MRPL20: variants seen among roughly 807,000 people sequenced by gnomAD.
MRPL20 encodes the protein mitochondrial ribosomal protein L20.
Under a neutral mutation model 20.0 loss-of-function variants are expected in MRPL20, and 21 were observed. That is an observed-to-expected ratio of 1.05 (90% CI 0.74 to 1.51). The LOEUF (loss-of-function observed/expected upper bound fraction) is 1.51, where lower values mean the gene tolerates loss of function less well. MRPL20 is among the 40% of genes most tolerant of loss of function. The pLI, the probability that MRPL20 is intolerant of heterozygous loss-of-function variation, is 0.00. For synonymous variants in MRPL20, 104 were observed against 73.0 expected (o/e 1.43, Z -2.17); for missense variants, 252 against 185.6 (o/e 1.36, Z -2.08).
rs747856421 is a variant in MRPL20 at position 1,402,270 on chromosome 1, G to C, written c.277-14C>G. On this transcript the variant is annotated splice_polypyrimidine_tract_variant and intron_variant, in intron 3 of 3. Transcript: ENST00000344843. Reference sequence around the variant, plus strand: ...CTCCACCTGGCACTGAAAAAAGAATGAATCAGAACCTGCTGTCAGTGTGAG... The same window carrying C: ...CTCCACCTGGCACTGAAAAAAGAATCAATCAGAACCTGCTGTCAGTGTGAG... 9 of 1,601,544 alleles carry C rather than the reference G, an allele frequency of 5.6e-6. No individual in the cohort carries two copies. The highest frequency in any genetic ancestry group is 2.2e-5 in the South Asian group (2 of 89,816).
intron 3 of MRPL20, 46 bp from the exon 4 acceptor site, chr1:1,402,302 A>G: frequency 6.4e-7 from 1 of 1,558,460 alleles, no homozygotes; most frequent in South Asian, 1.2e-5. Flanking sequence ...TGAGACACAC[A>G]CTCCGGCTCC....
intron 3 of MRPL20, among the ~76,000 whole-genome samples, chr1:1,403,222 T>C (rs1207010494): frequency 6.6e-6 from 1 of 150,942 alleles, no homozygotes; most frequent in Non-Finnish European, 1.5e-5. Flanking sequence ...ACCTGTATGC[T>C]TTGTGCAAAG....
At position 1,402,239 on chromosome 1, in the gene MRPL20, G is replaced by C; in HGVS notation, c.294C>G (p.Asn98Lys). The change falls in exon 4 of 4, where the codon AAC becomes AAG. Residue 98 changes from asparagine to lysine, a missense_variant. Asn to Lys is a moderately conservative substitution (Grantham distance 94, BLOSUM62 0). Transcript: ENST00000344843. Reference protein sequence around the residue: ...GNLVKCQVELNRKVLADLAIY... With the variant: ...GNLVKCQVELKRKVLADLAIY... ...TGGCCAGATCCGCTAGGACTTTCCT[G>C]TTGAGCTCCACCTGGCACTGAAAAA... is the stretch of plus-strand genomic sequence containing the variant. The C allele has an allele frequency of 3.1e-6, 5 of 1,612,242 alleles. No homozygotes were observed. The highest frequency in any genetic ancestry group is 3.4e-6 in the Non-Finnish European group (4 of 1,179,184).
intron 2 of MRPL20, chr1:1,406,539 ATAG>A (rs1645385897): frequency 1.1e-5 from 3 of 283,172 alleles, no homozygotes; most frequent in Admixed American, 4.7e-5. Flanking sequence ...ACGGCAGCAG[ATAG>A]TAGCCCTGGA....
At chr1:1,405,670 C>T in intron 3 of MRPL20, 139 bp downstream of exon 3, 1 of 1,459,802 alleles carries the variant, frequency 6.9e-7, no homozygotes. Flanking sequence ...TAGCAAACTA[C>T]AGCCCAGAAG....
chr1:1,402,903 C>T (rs987068405), intron 3 of MRPL20, among the ~76,000 whole-genome samples: 26 of 152,032 alleles, frequency 1.7e-4, no homozygotes, highest in Middle Eastern at 3.4e-3. Flanking sequence ...CTGAGGCAGG[C>T]GGATCACCAG....
intron 3 of MRPL20, chr1:1,405,517 C>T (rs1200756173): frequency 6.5e-6 from 4 of 615,728 alleles, no homozygotes; most frequent in Non-Finnish European, 1.2e-5. Context: ...TAGGCACAAT[C>T]TCATCACTCA....
At chr1:1,402,379 G>A (rs899686672) in intron 3 of MRPL20, 123 bp from the exon 4 acceptor site, 1 of 1,425,282 alleles carries the variant, frequency 7.0e-7, no homozygotes, top group Non-Finnish European at 9.1e-7. Flanking sequence ...GGAAGGCCTA[G>A]GAGAATCCTA....
At chr1:1,405,400 C>T (rs1241979169) in intron 3 of MRPL20, 2 of 559,770 alleles carry the variant, frequency 3.6e-6, no homozygotes, top group African/African-American at 1.9e-5. Flanking sequence ...CTTCAGACTC[C>T]TCAGTAGCTG....
Position 1,406,939 on chromosome 1 carries a change from G to A in MRPL20, c.168C>T (p.Ala56=), listed in dbSNP as rs139495881. Residue 56 remains alanine (A), a synonymous_variant, in exon 2 of 4, where the codon GCC becomes GCT. Coordinates refer to ENST00000344843, the MANE Select transcript of MRPL20 (RefSeq NM_017971.4). ...VIRAFVKCTK[A]RYLKKKNMRT... is the part of the protein sequence containing the mutation. ...TCATGTTCTTTTTCTTCAGGTATCG[G>A]GCTTTGGTGCATTTCACAAAGGCTC... 3 of 1,613,620 alleles carry A rather than the reference G, an allele frequency of 1.9e-6. No homozygotes were observed. Among genetic ancestry groups the A allele is most frequent in the African/African-American group, 2.7e-5 (2 of 74,910 alleles).
Position 1,402,059 on chromosome 1 carries a change from T to TCCTAATCAATACA in MRPL20, c.*11_*23dup. On this transcript the variant is annotated 3_prime_UTR_variant, in exon 4 of 4. Coordinates refer to ENST00000344843, the MANE Select transcript of MRPL20 (RefSeq NM_017971.4). ...AAACTGCAAATTACTCTGTCTCTTT[T>TCCTAATCAATACA]CCTAATCAATACAGCAACAGTCCTC... 1 of 1,588,438 alleles carries TCCTAATCAATACA rather than the reference T, an allele frequency of 6.3e-7. No homozygotes were observed. The highest frequency in any genetic ancestry group is 8.6e-7 in the Non-Finnish European group (1 of 1,168,588).
chr1:1,406,827 G>A, intron 2 of MRPL20, 82 bp downstream of exon 2: 3 of 1,210,038 alleles, frequency 2.5e-6, no homozygotes, highest in Admixed American at 1.7e-5. Flanking sequence ...TGGCCGGGCG[G>A]CTGCACACTA....
Position 1,407,153 on chromosome 1 carries a change from T to A in MRPL20, c.65A>T (p.Gln22Leu), listed in dbSNP as rs556155223. The change falls in exon 1 of 4, where the codon CAG becomes CTG. Residue 22 changes from glutamine (Q) to leucine (L), a missense_variant. Coordinates refer to ENST00000344843, the MANE Select transcript of MRPL20 (RefSeq NM_017971.4). Reference protein sequence around the residue: ...NRVTDRYFRIQEVLKHARHFR... With the variant: ...NRVTDRYFRILEVLKHARHFR... ...CACCCTGGCGTGCTTCAGCACCTCC[T>A]GGATCCGAAAGTAGCGGTCGGTGAC... 106 of 1,608,350 alleles carry A rather than the reference T, an allele frequency of 6.6e-5. No individual in the cohort carries two copies. The South Asian group carries it at 1.1e-3, about 16-fold the overall frequency.
intron 2 of MRPL20, chr1:1,406,594 A>G: frequency 2.6e-6 from 1 of 390,030 alleles, no homozygotes; most frequent in Non-Finnish European, 4.8e-6. Context: ...GCCAAAGGGA[A>G]GGGAAGCCAC....
chr1:1,405,578 C>T (rs1276929786), intron 3 of MRPL20: 2 of 727,772 alleles, frequency 2.7e-6, no homozygotes. Flanking sequence ...CTGGTTCACC[C>T]CTCCTTAGGC....
In MRPL20 at chr1:1,406,998, G is replaced by C. The variant is rs1204511542; in HGVS notation, c.109C>G (p.Arg37Gly). 1.2e-6 allele frequency: 2 copies of C among 1,613,704 alleles called. No individual in the cohort carries two copies. The highest frequency in any genetic ancestry group is 1.7e-6 in the Non-Finnish European group (2 of 1,179,740). ...GTTCTGACCGCCAACCTGTAGCAGC[G>C]ATTTTTCCTTCCCCGGAAGTGCTGG... ...HARHFRGRKNRCYRLAVRTVI... is the reference protein window; with the variant it reads ...HARHFRGRKNGCYRLAVRTVI... Residue 37 changes from arginine to glycine, a missense_variant, in exon 2 of 4, where the codon CGC (arginine) becomes GGC (glycine). By Grantham distance (125) the Arg-to-Gly change is moderately radical. Coordinates refer to ENST00000344843, the MANE Select transcript of MRPL20 (RefSeq NM_017971.4).
chr1:1,406,941 CT>C lies in MRPL20; in HGVS notation c.165del (p.Ala56ProfsTer4), dbSNP rs1557751834. 2 of 1,613,782 alleles carry C rather than the reference CT, an allele frequency of 1.2e-6. No homozygotes were observed. ...ATGTTCTTTTTCTTCAGGTATCGGG[CT>C]TTGGTGCATTTCACAAAGGCTCGAA... Reference protein sequence around the residue: ...TVIRAFVKCTKARYLKKKNMR... With the variant: ...TVIRAFVKCTXARYLKKKNMR... On this transcript the variant is annotated frameshift_variant, in exon 2 of 4. Coordinates refer to ENST00000344843, the MANE Select transcript of MRPL20 (RefSeq NM_017971.4). LOFTEE classifies it high-confidence loss of function.
Position 1,405,884 on chromosome 1 carries a change from G to C in MRPL20, c.201C>G (p.Leu67=). 2.5e-6 allele frequency: 4 copies of C among 1,607,406 alleles called. No homozygotes were observed. The highest frequency in any genetic ancestry group is 3.4e-6 in the Non-Finnish European group (4 of 1,174,892). ...TAGCAGCTGTAATTCGATTAATCCA[G>C]AGCTGAAATAAGAAAACATGAAGAT... ...RYLKKKNMRT[L]WINRITAASQ... is the part of the protein sequence containing the mutation. Residue 67 remains leucine (L), a splice_region_variant and synonymous_variant, in exon 3 of 4, where the codon CTC becomes CTG. Transcript: ENST00000344843.
chr1:1,406,580 A>G, intron 2 of MRPL20: 1 of 373,998 alleles, frequency 2.7e-6, no homozygotes. Flanking sequence ...GGTTGACTTC[A>G]GCTGCCAAAG....
Sources: gnomAD v4.1 joint callset for allele counts (sites outside exome capture counted in the v4.1 genomes callset) on GRCh38, gnomAD v4.1.1 for gene constraint, MANE v1.5 for transcripts, NCBI Gene and HGNC (gene_info 2026-07-23, HGNC 2026-07-21) for gene names.